The following PDE4DIP variants were observed in gnomAD, a reference collection of about 807,000 sequenced individuals.
The protein encoded by PDE4DIP is myomegalin.
A neutral mutation model predicts 221.4 loss-of-function variants in PDE4DIP; 59 were observed. That is an observed-to-expected ratio of 0.27 (90% CI 0.22 to 0.33). PDE4DIP has a LOEUF of 0.33. PDE4DIP is among the 10% of genes least tolerant of loss of function. The pLI, the probability that PDE4DIP is intolerant of heterozygous loss-of-function variation, is 1.00. For synonymous variants in PDE4DIP, 404 were observed against 815.9 expected, an observed-to-expected ratio of 0.50 and a Z score of 8.60; for missense variants, 1,036 against 2,154.2, an observed-to-expected ratio of 0.48 and a Z score of 10.28.
intron 21 of PDE4DIP, chr1:148,990,383 G>A (rs1574954990): frequency 8.1e-6 from 8 of 983,494 alleles, no homozygotes; most frequent in East Asian, 1.1e-4. Context: ...AATTCCTTAC[G>A]GAGATAAGGT....
rs745868841 is a variant in PDE4DIP, at chr1:148,950,823, G to A, written c.637-9831G>A. Among the ~76,000 whole-genome samples, 129 of 148,092 alleles carry A rather than the reference G, an allele frequency of 8.7e-4. 1 individual carries two copies. The highest frequency in any genetic ancestry group is 1.3e-3 in the Non-Finnish European group (89 of 67,222). On this transcript the variant is annotated intron_variant, in intron 5 of 43. Coordinates refer to ENST00000369354, the Ensembl canonical transcript of PDE4DIP. The stretch of plus-strand genomic sequence containing the variant: ...TTACAATTCAACATGAGATTTGGTG[G>A]GGCCATATATTCAAATCATATCACC...
intron 6 of PDE4DIP, among the ~76,000 whole-genome samples, chr1:148,961,203 G>C (rs1348435171): frequency 3.9e-5 from 6 of 152,144 alleles, no homozygotes; most frequent in African/African-American, 1.2e-4. Flanking sequence ...ACCTACTCGG[G>C]AGGCTGAGGC....
intron 41 of PDE4DIP, among the ~76,000 whole-genome samples, chr1:149,028,925 C>T (rs1191364524): frequency 1.3e-5 from 2 of 152,082 alleles, no homozygotes; most frequent in Admixed American, 6.6e-5. Context: ...GCCCCCTGTC[C>T]CCTGGTTAAG....
In PDE4DIP at chr1:148,929,271, A is replaced by G. The variant is rs1269332090; in HGVS notation, c.216A>G (p.Thr72=). ...ACAAGAAACAGCATCTGGATAAAAC[A>G]TGGTAAGTTGTAATTTTAAGCTCTG... The change falls in exon 2 of 44, where the codon ACA becomes ACG. Residue 72 remains threonine, a splice_region_variant and synonymous_variant. Transcript: ENST00000369354. The G allele has an allele frequency of 5.0e-6, 8 of 1,609,864 alleles. No individual in the cohort carries two copies. In the African/African-American group the frequency reaches 6.7e-5, roughly 13 times the overall value.
chr1:148,982,488 T>G (rs1282966100), intron 21 of PDE4DIP: 3 of 152,202 alleles, frequency 2.0e-5, no homozygotes, highest in African/African-American at 7.2e-5. Flanking sequence ...ATGTTTATAG[T>G]TTTAATCATT....
intron 5 of PDE4DIP, among the ~76,000 whole-genome samples, chr1:148,945,998 G>A (rs2051594720): frequency 6.8e-6 from 1 of 146,802 alleles, no homozygotes; most frequent in South Asian, 2.2e-4. Flanking sequence ...ATATGGAATG[G>A]AGGTGGGTAC....
chr1:148,962,398 T>G, intron 8 of PDE4DIP, 30 bp from the exon 12 acceptor site: 3 of 1,075,602 alleles, frequency 2.8e-6, no homozygotes, highest in Non-Finnish European at 2.8e-6. Flanking sequence ...CTTGCCCTCC[T>G]TGTGATTGTG....
At chr1:148,902,763 G>A (rs9424645) in intron 1 of PDE4DIP, among the ~76,000 whole-genome samples, 1,910 of 98,892 alleles carry the variant, frequency 0.019, 15 homozygotes, top group South Asian at 0.039. Flanking sequence ...ATATATATAT[G>A]TGTGTGTATA....
intron 4 of PDE4DIP, among the ~76,000 whole-genome samples, chr1:148,933,256 T>C (rs1248056186): frequency 2.4e-4 from 36 of 150,166 alleles, no homozygotes; most frequent in African/African-American, 9.1e-4. Flanking sequence ...GGAGAAACTA[T>C]GGAGGGAAGA....
At chr1:148,923,352 G>A (rs1462915708) in intron 1 of PDE4DIP, among the ~76,000 whole-genome samples, 2 of 151,172 alleles carry the variant, frequency 1.3e-5, no homozygotes, top group Admixed American at 6.6e-5. Flanking sequence ...GTCCACTTCC[G>A]CCTCTTGTCA....
intron 14 of PDE4DIP, among the ~76,000 whole-genome samples, chr1:148,970,380 G>C (rs1406697596): frequency 2.0e-5 from 3 of 151,766 alleles, no homozygotes; most frequent in Admixed American, 2.0e-4. Context: ...ACTTCTTTGT[G>C]ATTTGGGACA....
chr1:148,936,688 G>T (rs1553475116), intron 4 of PDE4DIP, among the ~76,000 whole-genome samples: 1 of 152,016 alleles, frequency 6.6e-6, no homozygotes, highest in Non-Finnish European at 1.5e-5. Flanking sequence ...TCTAGAAAAG[G>T]TTTATTCTGT....
rs2042542863 is a variant in PDE4DIP, at chr1:148,910,257, A to T, written c.142-18940A>T. Among the ~76,000 whole-genome samples, 3 of 103,196 alleles carry T rather than the reference A, an allele frequency of 2.9e-5. 1 individual carries two copies. The highest frequency in any genetic ancestry group is 1.3e-4 in the African/African-American group (3 of 23,196). 67.7% of individuals were successfully genotyped at this position (103,196 alleles called of 152,430 possible). A position where few individuals can be genotyped will look rare whatever the true frequency, so the allele number is the denominator to read the frequency against. ...CCTCTTGGGGCAGGGGAAGGAGAGC[A>T]TTTAAATGCTTCCCATTTATTTCTG... On this transcript the variant is annotated intron_variant, in intron 1 of 43. Transcript: ENST00000369354.
intron 32 of PDE4DIP, among the ~76,000 whole-genome samples, chr1:149,013,624 AC>A (rs1301211567): frequency 1.1e-5 from 1 of 92,114 alleles, no homozygotes; most frequent in Non-Finnish European, 2.1e-5. Flanking sequence ...TTTGTCAGGC[AC>A]TTTCTGTGCC....
chr1:148,979,695 C>T, intron 19 of PDE4DIP, 42 bp from the exon 23 acceptor site: 1 of 1,568,598 alleles, frequency 6.4e-7, no homozygotes, highest in Non-Finnish European at 8.8e-7. Context: ...TCATGTCTCA[C>T]TGTGCCATTT....
intron 23 of PDE4DIP, among the ~76,000 whole-genome samples, chr1:148,999,576 C>G (rs1391414618): frequency 6.6e-6 from 1 of 152,026 alleles, no homozygotes; most frequent in Non-Finnish European, 1.5e-5. Context: ...TGTGATTGTT[C>G]TAAGTGCTGA....
chr1:148,821,999 G>A (rs1553361564), intron 1 of PDE4DIP, among the ~76,000 whole-genome samples: 2 of 142,716 alleles, frequency 1.4e-5, no homozygotes, highest in Non-Finnish European at 3.0e-5. Flanking sequence ...ATAACCGGGG[G>A]ATAAAAAGAG....
intron 2 of PDE4DIP, chr1:148,930,233 A>C (rs2047584038): frequency 6.6e-6 from 1 of 152,048 alleles, no homozygotes; most frequent in South Asian, 2.1e-4. Context: ...GTAGCATTTC[A>C]CCAGGCATGG....
chr1:148,930,079 C>T (rs60500187), intron 2 of PDE4DIP: 14 of 150,890 alleles, frequency 9.3e-5, no homozygotes, highest in South Asian at 2.1e-4. Context: ...TCTTTATATA[C>T]ATTTATATTG....
Sources: allele counts gnomAD v4.1 joint callset (sites outside exome capture counted in the v4.1 genomes callset), GRCh38; gene constraint gnomAD v4.1.1; transcripts MANE v1.5; gene names NCBI Gene and HGNC (gene_info 2026-07-23, HGNC 2026-07-21).